The following CLNK variants were observed in gnomAD, a reference collection of about 807,000 sequenced individuals.
CLNK encodes the protein cytokine dependent hematopoietic cell linker, also known as cytokine-dependent hematopoietic cell linker.
In CLNK, 74 loss-of-function variants were observed where a neutral mutation model predicts 68.6. That is an observed-to-expected ratio of 1.08 (90% CI 0.89 to 1.31). The LOEUF (loss-of-function observed/expected upper bound fraction) is 1.31. CLNK is among the 50% of genes most tolerant of loss of function. The pLI, the probability that CLNK is intolerant of heterozygous loss-of-function variation, is 0.00. For synonymous variants in CLNK, 198 were observed against 172.2 expected, an observed-to-expected ratio of 1.15 and a Z score of -1.17; for missense variants, 553 against 515.3, an observed-to-expected ratio of 1.07 and a Z score of -0.71.
At chr4:10,522,319 A>C (rs1336714941) in intron 14 of CLNK, among the ~76,000 whole-genome samples, 4 of 151,382 alleles carry the variant, frequency 2.6e-5, no homozygotes, top group African/African-American at 9.7e-5. Flanking sequence ...TACACCTGTA[A>C]TCCCAACACT....
intron 2 of CLNK, among the ~76,000 whole-genome samples, chr4:10,608,472 C>T (rs1457093509): frequency 6.6e-6 from 1 of 152,212 alleles, no homozygotes; most frequent in Admixed American, 6.5e-5. Context: ...CATGTTTCCT[C>T]TGTGAACTAG....
At chr4:10,624,929 A>T (rs976152223) in intron 2 of CLNK, among the ~76,000 whole-genome samples, 2 of 152,154 alleles carry the variant, frequency 1.3e-5, no homozygotes, top group African/African-American at 4.8e-5. Context: ...GGTTGAACTT[A>T]ACGTTTTCTC....
At chr4:10,659,571 C>T (rs752832083) in intron 2 of CLNK, among the ~76,000 whole-genome samples, 26 of 152,172 alleles carry the variant, frequency 1.7e-4, no homozygotes, top group Non-Finnish European at 2.6e-4. Flanking sequence ...TCTCCTTTCA[C>T]GGATTACCTC....
intron 3 of CLNK, among the ~76,000 whole-genome samples, chr4:10,591,317 A>C (rs1295964720): frequency 6.6e-6 from 1 of 152,174 alleles, no homozygotes; most frequent in Non-Finnish European, 1.5e-5. Context: ...TGTGGCCACC[A>C]ATGCCCTCTT....
At chr4:10,725,896 C>T in the CLNK span, among the ~76,000 whole-genome samples, 1 of 151,984 alleles carries the variant, frequency 6.6e-6, no homozygotes, top group African/African-American at 2.4e-5. Flanking sequence ...AAGGAGATTC[C>T]TATAAATGCG....
intron 2 of CLNK, among the ~76,000 whole-genome samples, chr4:10,653,601 G>T (rs1437559913): frequency 4.6e-5 from 7 of 152,156 alleles, no homozygotes; most frequent in African/African-American, 1.7e-4. Context: ...AGAACAGGAT[G>T]GCTAAAATTT....
At chr4:10,550,655 C>T (rs995320931) in intron 8 of CLNK, among the ~76,000 whole-genome samples, 2 of 152,076 alleles carry the variant, frequency 1.3e-5, no homozygotes, top group Admixed American at 1.3e-4. Flanking sequence ...ATATACAGAC[C>T]TATGATAAAG....
chr4:10,666,719 A>G (rs1036270731), intron 2 of CLNK, among the ~76,000 whole-genome samples: 2 of 152,230 alleles, frequency 1.3e-5, no homozygotes, highest in East Asian at 3.8e-4. Flanking sequence ...TGATTAGCTT[A>G]ATTCTCACTC....
chr4:10,537,706 C>CCTTCCTTGCTTTCTTTCTTTCTTT (rs1553848181), intron 11 of CLNK, among the ~76,000 whole-genome samples: 21 of 13,404 alleles, frequency 1.6e-3, no homozygotes, highest in African/African-American at 4.9e-3. Flanking sequence ...TTCCTTCCTT[C>CCTTCCTTGCTTTCTTTCTTTCTTT]CTTTCTTTCT....
At chr4:10,701,301 G>A in the CLNK span, among the ~76,000 whole-genome samples, 1 of 152,160 alleles carries the variant, frequency 6.6e-6, no homozygotes, top group Non-Finnish European at 1.5e-5. Context: ...TGTCTTCCTT[G>A]CCTCTCTCTT....
chr4:10,617,036 C>T (rs1722263512), intron 2 of CLNK, among the ~76,000 whole-genome samples: 1 of 151,934 alleles, frequency 6.6e-6, no homozygotes, highest in South Asian at 2.1e-4. Flanking sequence ...CCACATGCTT[C>T]TTATCTTTCA....
intron 1 of CLNK, among the ~76,000 whole-genome samples, chr4:10,677,555 G>A (rs1724922570): frequency 1.3e-5 from 2 of 152,074 alleles, no homozygotes; most frequent in African/African-American, 4.8e-5. Context: ...GGAGGTGATT[G>A]GATCATGGGG....
At chr4:10,610,406 A>G (rs560225892) in intron 2 of CLNK, among the ~76,000 whole-genome samples, 7 of 151,528 alleles carry the variant, frequency 4.6e-5, no homozygotes, top group African/African-American at 1.7e-4. Context: ...AAAAAAGCTG[A>G]TCTAATTTAG....
At chr4:10,639,879 G>T (rs1478185488) in intron 2 of CLNK, among the ~76,000 whole-genome samples, 1 of 152,204 alleles carries the variant, frequency 6.6e-6, no homozygotes, top group Non-Finnish European at 1.5e-5. Flanking sequence ...ATCACTGGAG[G>T]CATTGCAATG....
At chr4:10,509,382 G>A (rs547927202) in intron 16 of CLNK, among the ~76,000 whole-genome samples, 21 of 152,246 alleles carry the variant, frequency 1.4e-4, no homozygotes, top group African/African-American at 4.8e-4. Flanking sequence ...GGCCTGGCCA[G>A]ACAAAAGTGC....
chr4:10,528,455 A>ACACATAGAACTTTGT (rs1156281170), intron 12 of CLNK, among the ~76,000 whole-genome samples: 2 of 152,206 alleles, frequency 1.3e-5, no homozygotes, highest in Non-Finnish European at 2.9e-5. Flanking sequence ...CTGAAATCTG[A>ACACATAGAACTTTGT]GCCAAGTTCT....
At position 10,558,323 on chromosome 4, in the gene CLNK, C is replaced by T. The variant is rs79010514; in HGVS notation, c.445+84G>A. ...CACCTTGTGTAAGATCACCCATGAC[C>T]ACAAACAGTAATGCGAGAGGATCTT... On this transcript the variant is annotated intron_variant, in intron 8 of 18. Transcript: ENST00000226951. The T allele has an allele frequency of 5.2e-6, 6 of 1,149,916 alleles. No individual in the cohort carries two copies. In the African/African-American group the frequency reaches 6.1e-5, roughly 12 times the overall value. The allele number at this position is 1,149,916 out of a possible 1,614,324, so 71.2% of individuals were successfully genotyped here. A position where few individuals can be genotyped will look rare whatever the true frequency, so the allele number is the denominator to read the frequency against.
At chr4:10,491,722 G>T (rs935577575) in intron 18 of CLNK, among the ~76,000 whole-genome samples, 1 of 152,136 alleles carries the variant, frequency 6.6e-6, no homozygotes, top group Non-Finnish European at 1.5e-5. Context: ...GAATGTACAG[G>T]ACCATGCATA....
At chr4:10,521,195 T>A (rs1426876578) in intron 14 of CLNK, among the ~76,000 whole-genome samples, 1 of 152,204 alleles carries the variant, frequency 6.6e-6, no homozygotes, top group Non-Finnish European at 1.5e-5. Flanking sequence ...CTATAGAAAC[T>A]ATTTACCAAT....
Sources: gnomAD v4.1 joint callset for allele counts (sites outside exome capture counted in the v4.1 genomes callset) on GRCh38, gnomAD v4.1.1 for gene constraint, MANE v1.5 for transcripts, NCBI Gene and HGNC (gene_info 2026-07-23, HGNC 2026-07-21) for gene names.